Variants in ERBB4 observed in about 807,000 individuals in gnomAD.
The protein encoded by ERBB4 is receptor tyrosine-protein kinase erbB-4.
ERBB4 carries 42 observed loss-of-function variants against 158.0 expected under a neutral mutation model. That is an observed-to-expected ratio of 0.27 (90% CI 0.21 to 0.34). The LOEUF (loss-of-function observed/expected upper bound fraction) is 0.34. Ranked by LOEUF, ERBB4 falls within the 10% of genes least tolerant of loss-of-function variation. The pLI, the probability that ERBB4 is intolerant of heterozygous loss-of-function variation, is 1.00. For missense variants in ERBB4, 1,333 were observed against 1,624.1 expected, an observed-to-expected ratio of 0.82 and a Z score of 3.08; for synonymous variants, 583 against 558.7, an observed-to-expected ratio of 1.04 and a Z score of -0.61.
At chr2:212,040,084 G>C (rs1248843564) in intron 2 of ERBB4, among the ~76,000 whole-genome samples, 2 of 151,504 alleles carry the variant, frequency 1.3e-5, no homozygotes, top group African/African-American at 4.9e-5. Flanking sequence ...AAATATGGAA[G>C]TAGACACCTT....
chr2:211,810,114 G>A (rs1466608835), intron 3 of ERBB4, among the ~76,000 whole-genome samples: 1 of 152,176 alleles, frequency 6.6e-6, no homozygotes, highest in Non-Finnish European at 1.5e-5. Context: ...TTCCAACTAT[G>A]TGGTCAATTT....
In ERBB4 at chr2:212,299,005, T is replaced by C. The variant is rs140172899; in HGVS notation, c.83-174102A>G. On this transcript the variant is annotated intron_variant, in intron 1 of 27. Coordinates refer to ENST00000342788, the MANE Select transcript of ERBB4 (RefSeq NM_005235.3). ...TAATTATCATAATAATAGCTAATAT[T>C]TATTGTGAGCTCAGTTTTTAAAGTG... 2.5e-3 allele frequency among the ~76,000 whole-genome samples: 375 copies of C among 151,842 alleles called. 1 individual carries two copies. Among genetic ancestry groups the C allele is most frequent in the African/African-American group, 8.6e-3 (358 of 41,498 alleles).
At chr2:211,413,100 A>G (rs1049050937) in intron 25 of ERBB4, among the ~76,000 whole-genome samples, 2 of 151,984 alleles carry the variant, frequency 1.3e-5, no homozygotes, top group African/African-American at 4.8e-5. Flanking sequence ...GTTTGAGACC[A>G]TCTTGGACAA....
intron 1 of ERBB4, among the ~76,000 whole-genome samples, chr2:212,365,107 T>G (rs2106370517): frequency 6.6e-6 from 1 of 151,840 alleles, no homozygotes; most frequent in South Asian, 2.1e-4. Flanking sequence ...AAACAGAAAT[T>G]AGCCTTTCTG....
chr2:212,358,045 T>C (rs908813590), intron 1 of ERBB4, among the ~76,000 whole-genome samples: 1 of 151,910 alleles, frequency 6.6e-6, no homozygotes, highest in Non-Finnish European at 1.5e-5. Context: ...TGACTTCCCA[T>C]AGATGTCTTC....
chr2:212,093,886 T>C (rs932371525), intron 2 of ERBB4, among the ~76,000 whole-genome samples: 1 of 152,128 alleles, frequency 6.6e-6, no homozygotes, highest in Non-Finnish European at 1.5e-5. Flanking sequence ...AATAAGTATT[T>C]CCAGAGAAAT....
chr2:212,094,101 T>C (rs1385436142), intron 2 of ERBB4, among the ~76,000 whole-genome samples: 1 of 152,010 alleles, frequency 6.6e-6, no homozygotes, highest in Non-Finnish European at 1.5e-5. Context: ...CCAAATCTCA[T>C]GTTGAAATGC....
At chr2:211,406,161 A>T (rs902300674) in intron 25 of ERBB4, among the ~76,000 whole-genome samples, 2 of 152,080 alleles carry the variant, frequency 1.3e-5, no homozygotes, top group African/African-American at 2.4e-5. Flanking sequence ...TGATCCCTTA[A>T]CGTATTCTCT....
intron 3 of ERBB4, among the ~76,000 whole-genome samples, chr2:211,797,873 T>C (rs1242279904): frequency 6.6e-6 from 1 of 151,994 alleles, no homozygotes; most frequent in African/African-American, 2.4e-5. Context: ...GAAGGAATAA[T>C]TGAATAACAG....
intron 17 of ERBB4, among the ~76,000 whole-genome samples, chr2:211,628,307 A>T (rs953276052): frequency 6.6e-6 from 1 of 152,078 alleles, no homozygotes; most frequent in South Asian, 2.1e-4. Context: ...TCCTAATGCT[A>T]TCCCTCCCCA....
intron 7 of ERBB4, among the ~76,000 whole-genome samples, chr2:211,719,251 T>C (rs936431223): frequency 2.6e-5 from 4 of 152,206 alleles, no homozygotes; most frequent in East Asian, 1.9e-4. Flanking sequence ...TTCTGCAATT[T>C]CACCATCAGT....
chr2:211,729,891 GC>G (rs1320057388), intron 5 of ERBB4, among the ~76,000 whole-genome samples: 3 of 151,718 alleles, frequency 2.0e-5, no homozygotes, highest in Non-Finnish European at 3.0e-5. Flanking sequence ...ATTTTCACTA[GC>G]TTTTTCATTG....
At chr2:211,618,728 A>G (rs563829720) in intron 19 of ERBB4, among the ~76,000 whole-genome samples, 1 of 152,124 alleles carries the variant, frequency 6.6e-6, no homozygotes, top group Non-Finnish European at 1.5e-5. Flanking sequence ...GTGACTTATT[A>G]CCACCACCAC....
chr2:211,738,249 T>C (rs950221075), intron 5 of ERBB4, among the ~76,000 whole-genome samples: 2 of 152,174 alleles, frequency 1.3e-5, no homozygotes, highest in African/African-American at 4.8e-5. Context: ...ATGTCAAGTA[T>C]TTTTTGCAGA....
chr2:212,342,288 G>A (rs993920410), intron 1 of ERBB4, among the ~76,000 whole-genome samples: 3 of 152,102 alleles, frequency 2.0e-5, no homozygotes, highest in African/African-American at 7.2e-5. Context: ...TAATCCCCAC[G>A]TGTCATGGGA....
intron 25 of ERBB4, among the ~76,000 whole-genome samples, chr2:211,396,637 T>C (rs1194147210): frequency 6.6e-6 from 1 of 152,118 alleles, no homozygotes; most frequent in Non-Finnish European, 1.5e-5. Flanking sequence ...ATATAGGAAA[T>C]AGAACTGCAA....
intron 25 of ERBB4, among the ~76,000 whole-genome samples, chr2:211,412,020 G>A (rs1043221964): frequency 6.6e-6 from 1 of 151,988 alleles, no homozygotes; most frequent in Non-Finnish European, 1.5e-5. Context: ...CTTCTGTGAA[G>A]TGATGAGGGC....
At chr2:211,955,016 G>C (rs558272613) in intron 2 of ERBB4, among the ~76,000 whole-genome samples, 74 of 152,132 alleles carry the variant, frequency 4.9e-4, no homozygotes, top group African/African-American at 1.7e-3. Context: ...ACCCTGGCAA[G>C]GAGGGACTCA....
intron 26 of ERBB4, among the ~76,000 whole-genome samples, chr2:211,387,615 T>C (rs1036953043): frequency 8.5e-5 from 13 of 152,084 alleles, no homozygotes; most frequent in African/African-American, 3.1e-4. Flanking sequence ...AGTACCTAAC[T>C]AGAGGATCAT....
Sources: allele counts gnomAD v4.1 joint callset (sites outside exome capture counted in the v4.1 genomes callset), GRCh38; gene constraint gnomAD v4.1.1; transcripts MANE v1.5; gene names NCBI Gene and HGNC (gene_info 2026-07-23, HGNC 2026-07-21).